MAX: variants seen among roughly 807,000 people sequenced by gnomAD.
MAX encodes MYC associated transcriptional regulator X.
MAX carries 3 observed loss-of-function variants against 22.3 expected under a neutral mutation model. The observed-to-expected ratio is 0.13, with a 90% CI of 0.06 to 0.35. The LOEUF (loss-of-function observed/expected upper bound fraction) is 0.35. MAX is among the 10% of genes least tolerant of loss of function. The probability of loss-of-function intolerance (pLI) is 1.00; values close to 1 mark genes in which losing one functional copy is unlikely to be tolerated. For missense variants in MAX, 119 were observed against 209.4 expected (o/e 0.57, Z 2.66); for synonymous variants, 72 against 77.7 (o/e 0.93, Z 0.39).
intron 2 of MAX, among the ~76,000 whole-genome samples, chr14:65,099,263 A>T (rs2063758131): frequency 6.6e-6 from 1 of 152,146 alleles, no homozygotes; most frequent in South Asian, 2.1e-4. Context: ...TACATTGTGC[A>T]GAGTAATATT....
downstream of MAX, among the ~76,000 whole-genome samples, chr14:65,072,540 T>C (rs770974582): frequency 6.6e-6 from 1 of 152,216 alleles, no homozygotes; most frequent in Non-Finnish European, 1.5e-5. Flanking sequence ...ATATTACTGT[T>C]GGGAGTCAAA....
At chr14:65,094,389 G>A (rs1413030629) in intron 2 of MAX, among the ~76,000 whole-genome samples, 1 of 152,246 alleles carries the variant, frequency 6.6e-6, no homozygotes, top group Non-Finnish European at 1.5e-5. Context: ...CTAGATGCAT[G>A]AATCTGAGAT....
At chr14:65,019,071 G>C (rs2061836553) in intron 3 of MAX, among the ~76,000 whole-genome samples, 8 of 152,152 alleles carry the variant, frequency 5.3e-5, no homozygotes, top group Admixed American at 4.6e-4. Context: ...TACTCAGGAG[G>C]CTGAGGCAGG....
rs1428939166 is a variant in MAX, at chr14:65,028,958, T to G, written c.172-22674A>C. The stretch of plus-strand genomic sequence containing the variant: ...AAATCATAGCAAGATCCTTTTGGTA[T>G]TTTATCATATACCTTTTGCAGCTGT... On this transcript the variant is annotated intron_variant, in intron 3 of 3. Coordinates refer to the MAX transcript ENST00000341653. The surrounding 1 kb of genome is among the most constrained non-coding windows in gnomAD (Gnocchi z 4.4). Among the ~76,000 whole-genome samples the G allele has an allele frequency of 6.6e-6, 1 of 152,226 alleles. No individual in the cohort carries two copies. Among genetic ancestry groups the G allele is most frequent in the East Asian group, 1.9e-4 (1 of 5,200 alleles).
chr14:65,041,838 A>G (rs950713484), intron 3 of MAX, among the ~76,000 whole-genome samples: 1 of 152,200 alleles, frequency 6.6e-6, no homozygotes, highest in African/African-American at 2.4e-5. Flanking sequence ...TCTGAACACC[A>G]ATAAGGCATG....
rs1341465185 is a variant in MAX, at chr14:65,078,250, G to T, written c.172-214C>A. 6.6e-6 allele frequency among the ~76,000 whole-genome samples: 1 copy of T among 152,118 alleles called. No homozygotes were observed. The highest frequency in any genetic ancestry group is 1.5e-5 in the Non-Finnish European group (1 of 68,010). On this transcript the variant is annotated intron_variant, in intron 3 of 4. Transcript: ENST00000358664. The surrounding 1 kb of genome is among the most constrained non-coding windows in gnomAD (Gnocchi z 6.4). ...GAGTTTCGCTCTTGTTGCCCAAGCT[G>T]GAGTGCAACAGCGTGATCTTGGCTG...
chr14:65,083,864 A>G, intron 3 of MAX: 1 of 1,230,962 alleles, frequency 8.1e-7, no homozygotes, highest in East Asian at 3.6e-5. Flanking sequence ...CCAGGGCTAA[A>G]CTGGTGTACA....
Position 65,032,013 on chromosome 14 carries a change from T to TGTGTAC in MAX, c.172-25730_172-25729insGTACAC, listed in dbSNP as rs1555335250. 6.6e-6 allele frequency among the ~76,000 whole-genome samples: 1 copy of TGTGTAC among 151,692 alleles called. No individual in the cohort carries two copies. The highest frequency in any genetic ancestry group is 2.4e-5 in the African/African-American group (1 of 41,330). On this transcript the variant is annotated intron_variant, in intron 3 of 3. Coordinates refer to the MAX transcript ENST00000341653. The surrounding 1 kb of genome is among the most constrained non-coding windows in gnomAD (Gnocchi z 5.0). ...GTGTGTGTGTGTGTGTGTGTGTGTG[T>TGTGTAC]GTGTGTACTGGTGAGAGGTTTGAAA...
At chr14:65,037,402 C>CTTT (rs765037575) in intron 3 of MAX, among the ~76,000 whole-genome samples, 17 of 14,524 alleles carry the variant, frequency 1.2e-3, no homozygotes, top group Non-Finnish European at 2.2e-3. Flanking sequence ...CACGCCGGGC[C>CTTT]CTTTTTTTTT....
At position 65,101,078 on chromosome 14, in the gene MAX, A is replaced by G. The variant is rs561977400; in HGVS notation, c.63+468T>C. Among the ~76,000 whole-genome samples the G allele has an allele frequency of 2.0e-5, 3 of 152,350 alleles. No homozygotes were observed. In the South Asian group the frequency reaches 6.2e-4, roughly 32 times the overall value. On this transcript the variant is annotated intron_variant, in intron 2 of 4. Coordinates refer to ENST00000358664, the MANE Select transcript of MAX (RefSeq NM_002382.5). ...TTGCATTAGAATACCATGTTGTGCT[A>G]GATTCTACGGGTCTATAGCAGTCAC...
intron 3 of MAX, among the ~76,000 whole-genome samples, chr14:65,036,393 C>T (rs1325571886): frequency 6.6e-6 from 1 of 151,578 alleles, no homozygotes; most frequent in Admixed American, 6.6e-5. Flanking sequence ...TATGCCACCA[C>T]ACCTGGCTAA....
chr14:65,102,392 T>G lies in MAX; in HGVS notation c.-53A>C, dbSNP rs1005278567. 6.3e-7 allele frequency: 1 copy of G among 1,593,616 alleles called. No homozygotes were observed. The highest frequency in any genetic ancestry group is 8.5e-7 in the Non-Finnish European group (1 of 1,171,724). On this transcript the variant is annotated 5_prime_UTR_variant, in exon 1 of 5. Transcript: ENST00000358664. ...CAGCGGCGGCGGGGAGGGGAAGGGG[T>G]GAAGGGGAGGGGGAAGTCACCGACA...
chr14:65,063,668 G>C (rs1003512317), intron 3 of MAX, among the ~76,000 whole-genome samples: 1 of 152,106 alleles, frequency 6.6e-6, no homozygotes, highest in Non-Finnish European at 1.5e-5. Flanking sequence ...GGGCTCAGAA[G>C]ATCTTCCTGC....
chr14:65,093,780 T>G lies in MAX; in HGVS notation c.99A>C (p.Arg33=). 1 of 1,610,978 alleles carries G rather than the reference T, an allele frequency of 6.2e-7. No homozygotes were observed. The highest frequency in any genetic ancestry group is 1.3e-5 in the African/African-American group (1 of 74,998). ...DKRAHHNALE[R]KRRDHIKDSF... ...TGTCTTTGATGTGGTCCCTACGTTTTCGTTCCAGTGCATTATGATGAGCCC... is the reference window on the plus strand; with the variant it reads ...TGTCTTTGATGTGGTCCCTACGTTTGCGTTCCAGTGCATTATGATGAGCCC... Residue 33 remains arginine, a synonymous_variant, in exon 3 of 5, where the codon CGA becomes CGC. Coordinates refer to ENST00000358664, the MANE Select transcript of MAX (RefSeq NM_002382.5). This position sits in a 1 kb window ranked among gnomAD's most constrained non-coding sequence, Gnocchi z 4.4.
At chr14:65,037,431 T>C (rs1483557006) in intron 3 of MAX, among the ~76,000 whole-genome samples, 6 of 118,074 alleles carry the variant, frequency 5.1e-5, no homozygotes, top group Admixed American at 1.9e-4. Flanking sequence ...TTTTTTTTTT[T>C]TTTTTTTTTT....
intron 3 of MAX, among the ~76,000 whole-genome samples, chr14:65,056,656 C>T (rs909371068): frequency 6.6e-6 from 1 of 152,150 alleles, no homozygotes; most frequent in Non-Finnish European, 1.5e-5. Flanking sequence ...ATATTCTGTG[C>T]TCATTTTCTT....
chr14:65,089,141 A>G (rs2063426286), intron 3 of MAX, among the ~76,000 whole-genome samples: 1 of 152,194 alleles, frequency 6.6e-6, no homozygotes, highest in South Asian at 2.1e-4. Flanking sequence ...GGTCTTACTT[A>G]TATAGTTGAG....
Position 65,044,552 on chromosome 14 carries a change from T to G in MAX, c.172-38268A>C. 6.8e-7 allele frequency: 1 copy of G among 1,478,442 alleles called. No homozygotes were observed. The highest frequency in any genetic ancestry group is 1.4e-5 in the South Asian group (1 of 69,388). The allele number at this position is 1,478,442 out of a possible 1,614,324, so 91.6% of individuals were successfully genotyped here. On this transcript the variant is annotated intron_variant, in intron 3 of 3. Transcript: ENST00000341653. This position sits in a 1 kb window ranked among gnomAD's most constrained non-coding sequence, Gnocchi z 5.5. ...GAGGGGTTGAAATGAGCTCTGTCTA[T>G]CCTGGATTTTGAGTGCCCAGTGTGG...
chr14:65,101,209 C>T (rs2063821839), intron 2 of MAX, among the ~76,000 whole-genome samples: 1 of 152,184 alleles, frequency 6.6e-6, no homozygotes, highest in South Asian at 2.1e-4. Flanking sequence ...GACCACTTTG[C>T]CCTGAAATAA....
Sources: gnomAD v4.1 joint callset for allele counts (sites outside exome capture counted in the v4.1 genomes callset) on GRCh38, gnomAD v4.1.1 for gene constraint, Gnocchi (gnomAD v3.1) non-coding constraint, MANE v1.5 for transcripts, NCBI Gene and HGNC (gene_info 2026-07-23, HGNC 2026-07-21) for gene names.